The following ADCY6 variants were observed in gnomAD, a reference collection of about 807,000 sequenced individuals.
The protein encoded by ADCY6 is adenylate cyclase type 6.
ADCY6 carries 59 observed loss-of-function variants against 111.6 expected under a neutral mutation model. That is an observed-to-expected ratio of 0.53 (90% CI 0.43 to 0.66). ADCY6 has a LOEUF of 0.66. Among genes scored for constraint, ADCY6 ranks in the 30% least tolerant of loss-of-function variants. The probability of loss-of-function intolerance (pLI) is 0.00; values close to 1 mark genes in which losing one functional copy is unlikely to be tolerated. For synonymous variants in ADCY6, 576 were observed against 642.9 expected (o/e 0.90, Z 1.57); for missense variants, 1,242 against 1,595.6 (o/e 0.78, Z 3.78).
At chr12:48,774,580 G>C (rs1414836850) in intron 13 of ADCY6, 62 bp from the exon 14 acceptor site, 1 of 1,579,458 alleles carries the variant, frequency 6.3e-7, no homozygotes, top group East Asian at 2.2e-5. Flanking sequence ...TGGCAACCAG[G>C]GATGGGGCCC....
rs1592154452 is a variant in ADCY6 at position 48,771,008 on chromosome 12, A to C, written c.3052-38T>G. 6.3e-7 allele frequency: 1 copy of C among 1,595,670 alleles called. No individual in the cohort carries two copies. The highest frequency in any genetic ancestry group is 8.6e-7 in the Non-Finnish European group (1 of 1,166,950). On this transcript the variant is annotated intron_variant, in intron 19 of 21. Transcript: ENST00000357869. This position sits in a 1 kb window ranked among gnomAD's most constrained non-coding sequence, Gnocchi z 4.3. ...AGGAGACCTGGCTGTCAAGGCAAAG[A>C]CCCCAGACCCAGCCCTGCCCCAACA...
rs146675947 is a variant in ADCY6, at chr12:48,780,415, A to T, written c.864+2156T>A. Among the ~76,000 whole-genome samples the T allele has an allele frequency of 8.1e-3, 1,238 of 152,276 alleles. 8 individuals carry two copies. The highest frequency in any genetic ancestry group is 0.012 in the Non-Finnish European group (826 of 68,000). On this transcript the variant is annotated intron_variant, in intron 2 of 21. Coordinates refer to ENST00000357869, the MANE Select transcript of ADCY6 (RefSeq NM_015270.5). Reference sequence around the variant, plus strand: ...ACAAACCCCACCTGTCTAGAAACCCACATACCCAAATGGGCACAGGGAATG... The same window carrying T: ...ACAAACCCCACCTGTCTAGAAACCCTCATACCCAAATGGGCACAGGGAATG...
rs578001917 is a variant in ADCY6, at chr12:48,777,025, T to C, written c.1376+79A>G. The stretch of plus-strand genomic sequence containing the variant: ...AGAGAAAGCCAAAACTGAGGAAATC[T>C]CCTGAGGTCTCATCAAAAAGTAGGA... On this transcript the variant is annotated intron_variant, in intron 6 of 21. Transcript: ENST00000357869. This position sits in a 1 kb window ranked among gnomAD's most constrained non-coding sequence, Gnocchi z 4.9. The C allele has an allele frequency of 5.3e-6, 8 of 1,503,804 alleles. No homozygotes were observed. The South Asian group carries it at 9.5e-5, about 18-fold the overall frequency. 93.2% of individuals were successfully genotyped at this position (1,503,804 alleles called of 1,614,324 possible). A position where few individuals can be genotyped will look rare whatever the true frequency, so the allele number is the denominator to read the frequency against.
chr12:48,787,709 C>T (rs190995276), intron 1 of ADCY6, among the ~76,000 whole-genome samples: 11 of 152,302 alleles, frequency 7.2e-5, no homozygotes, highest in African/African-American at 2.6e-4. Context: ...GTGCCTCTAC[C>T]TTCTCCTCCC....
chr12:48,781,932 A>C (rs944634334), intron 2 of ADCY6, among the ~76,000 whole-genome samples: 1 of 152,112 alleles, frequency 6.6e-6, no homozygotes, highest in Non-Finnish European at 1.5e-5. Context: ...GATCAGACTT[A>C]ACGCTCCTCT....
chr12:48,775,580 C>T, intron 10 of ADCY6, 93 bp downstream of exon 10: 1 of 1,577,972 alleles, frequency 6.3e-7, no homozygotes, highest in Non-Finnish European at 8.7e-7. Flanking sequence ...TCCCACACAA[C>T]ACTCCTAAGG....
In ADCY6 at chr12:48,771,691, C is replaced by A. The variant is rs773149602; in HGVS notation, c.3051+19G>T. 1.2e-6 allele frequency: 2 copies of A among 1,613,666 alleles called. No homozygotes were observed. The highest frequency in any genetic ancestry group is 1.7e-6 in the Non-Finnish European group (2 of 1,180,026). The stretch of plus-strand genomic sequence containing the variant: ...AGTACCCCCCACTCTCTGCCACCAC[C>A]AGCCAACTGGAAAAGTACCTCATCA... On this transcript the variant is annotated intron_variant, in intron 19 of 21. Transcript: ENST00000357869. This position sits in a 1 kb window ranked among gnomAD's most constrained non-coding sequence, Gnocchi z 4.3.
In ADCY6 at chr12:48,777,166, C is replaced by A; in HGVS notation, c.1314G>T (p.Glu438Asp). 1 of 1,614,006 alleles carries A rather than the reference C, an allele frequency of 6.2e-7. No homozygotes were observed. Among genetic ancestry groups the A allele is most frequent in the Non-Finnish European group, 8.5e-7 (1 of 1,179,966 alleles). The change falls in exon 6 of 22, where the codon GAG (glutamate) becomes GAT (aspartate). Residue 438 changes from glutamate (E) to aspartate (D), a missense_variant. Transcript: ENST00000357869. The surrounding 1 kb of genome is among the most constrained non-coding windows in gnomAD (Gnocchi z 4.9). ...DCYYCVSGLP[E>D]ARADHAHCCV... The stretch of plus-strand genomic sequence containing the variant: ...AGCAGTGGGCATGGTCGGCCCGGGC[C>A]TCCGGCAGCCCTGACACACAGTAGT...
intron 20 of ADCY6, among the ~76,000 whole-genome samples, chr12:48,770,531 A>G (rs1227254433): frequency 6.6e-6 from 1 of 152,210 alleles, no homozygotes; most frequent in Non-Finnish European, 1.5e-5. Flanking sequence ...TCTGAGAGTC[A>G]GTCTCTATCC....
intron 1 of ADCY6, chr12:48,783,667 G>A (rs1941915486): frequency 1.0e-6 from 1 of 980,416 alleles, no homozygotes; most frequent in Non-Finnish European, 1.4e-6. Context: ...CCAAAACCAG[G>A]CACAGTGGCT....
chr12:48,768,807 T>C, intron 21 of ADCY6, 91 bp from the exon 22 acceptor site: 1 of 1,561,876 alleles, frequency 6.4e-7, no homozygotes, highest in Non-Finnish European at 8.7e-7. Context: ...GCTAGCTCCC[T>C]TCCCCCAGTC....
Position 48,772,090 on chromosome 12 carries a change from A to G in ADCY6, c.2788-117T>C. The G allele has an allele frequency of 2.1e-6, 3 of 1,440,012 alleles. No homozygotes were observed. In the South Asian group the frequency reaches 4.2e-5, roughly 20 times the overall value. The allele number at this position is 1,440,012 out of a possible 1,614,324, so 89.2% of individuals were successfully genotyped here. A position where few individuals can be genotyped will look rare whatever the true frequency, so the allele number is the denominator to read the frequency against. On this transcript the variant is annotated intron_variant, in intron 18 of 21. Coordinates refer to ENST00000357869, the MANE Select transcript of ADCY6 (RefSeq NM_015270.5). ...CATAGAGAAAGAAAGGCCCAGACAG[A>G]TGAGGCCTAAAGAACAGGCAAAGGG...
At position 48,776,091 on chromosome 12, in the gene ADCY6, T is replaced by A. The variant is rs1197905031; in HGVS notation, c.1678A>T (p.Lys560Ter). ...FLILGASQKRKEEKAMLAKLQ... is the reference protein window; with the variant it reads ...FLILGASQKR ...TTGGCCAGCATGGCCTTCTCCTCTT[T>A]CTGTGCGGGCAGCATGGGTACAGGC... Residue 560 changes from lysine to a stop codon, truncating the protein, a stop_gained and splice_region_variant, in exon 9 of 22, where the codon AAA becomes TAA. Transcript: ENST00000357869. LOFTEE classifies it high-confidence loss of function. The surrounding 1 kb of genome is among the most constrained non-coding windows in gnomAD (Gnocchi z 6.1). The A allele has an allele frequency of 6.2e-7, 1 of 1,613,750 alleles. No homozygotes were observed.
In ADCY6 at chr12:48,777,802, T is replaced by C; in HGVS notation, c.1015-66A>G. ...TCTCACATTGCAATCCCTCCTGGTC[T>C]CTCCACATCGCCAGAGCCCTCCTAG... On this transcript the variant is annotated intron_variant, in intron 3 of 21. Transcript: ENST00000357869. This position sits in a 1 kb window ranked among gnomAD's most constrained non-coding sequence, Gnocchi z 4.9. 1 of 1,592,174 alleles carries C rather than the reference T, an allele frequency of 6.3e-7. No homozygotes were observed. Among genetic ancestry groups the C allele is most frequent in the Non-Finnish European group, 8.5e-7 (1 of 1,169,796 alleles).
rs1475855658 is a variant in ADCY6, at chr12:48,766,236, A to G, written c.*2355T>C. On this transcript the variant is annotated 3_prime_UTR_variant, in exon 22 of 22. Coordinates refer to ENST00000357869, the MANE Select transcript of ADCY6 (RefSeq NM_015270.5). ...TTTTATTGATATTTAAATATATTAA[A>G]TATTTCACTGAAATACATGGTTCAC... 2 of 152,706 alleles carry G rather than the reference A, an allele frequency of 1.3e-5. No homozygotes were observed. Among genetic ancestry groups the G allele is most frequent in the African/African-American group, 4.8e-5 (2 of 41,434 alleles). The allele number at this position is 152,706 out of a possible 1,614,324, so 9.5% of individuals were successfully genotyped here.
rs778731790 is a variant in ADCY6 at position 48,782,740 on chromosome 12, G to C, written c.695C>G (p.Pro232Arg). ...CCAGAGGCCCGCAGAGGGGCTGCGC[G>C]GGTCTGCTGCGAGAGCGCCCCCGAC... ...VQVGGALAAD[P>R]RSPSAGLWCP... The change falls in exon 2 of 22, where the codon CCG (proline) becomes CGG (arginine). Residue 232 changes from proline to arginine, a missense_variant. By Grantham distance (103) the Pro-to-Arg change is moderately radical. Coordinates refer to ENST00000357869, the MANE Select transcript of ADCY6 (RefSeq NM_015270.5). The surrounding 1 kb of genome is among the most constrained non-coding windows in gnomAD (Gnocchi z 4.3). 2 of 1,604,714 alleles carry C rather than the reference G, an allele frequency of 1.2e-6. No individual in the cohort carries two copies. The highest frequency in any genetic ancestry group is 1.7e-5 in the Admixed American group (1 of 58,422).
rs1390486850 is a variant in ADCY6 at position 48,776,783 on chromosome 12, A to G, written c.1377-197T>C. 2.0e-5 allele frequency among the ~76,000 whole-genome samples: 3 copies of G among 152,162 alleles called. No homozygotes were observed. The highest frequency in any genetic ancestry group is 2.0e-4 in the Admixed American group (3 of 15,282). ...AAATGTTAAGGCTGTGTTCAACAGC[A>G]GGGGCCCAGCAGCATCTTATGGAAC... is the stretch of plus-strand genomic sequence containing the variant. On this transcript the variant is annotated intron_variant, in intron 6 of 21. Transcript: ENST00000357869. The surrounding 1 kb of genome is among the most constrained non-coding windows in gnomAD (Gnocchi z 6.1).
chr12:48,783,989 G>A (rs1483180534), intron 1 of ADCY6: 1 of 156,756 alleles, frequency 6.4e-6, no homozygotes, highest in East Asian at 1.9e-4. Flanking sequence ...AGCTGAGGCA[G>A]GAGAATTGCT....
Position 48,772,529 on chromosome 12 carries a change from T to A in ADCY6, c.2636A>T (p.Glu879Val). Residue 879 changes from glutamate to valine, a missense_variant, in exon 17 of 22, where the codon GAG becomes GTG. Coordinates refer to ENST00000357869, the MANE Select transcript of ADCY6 (RefSeq NM_015270.5). ...TTACCAGTCCAGCCCATCAAAGGTC[T>A]CATTGGAAGAAGCCCTGGTAAGAAG... ...LGVHGLASSN[E>V]TFDGLDCPAA... is the part of the protein sequence containing the mutation. The A allele has an allele frequency of 6.2e-7, 1 of 1,614,232 alleles. No homozygotes were observed. Among genetic ancestry groups the A allele is most frequent in the Non-Finnish European group, 8.5e-7 (1 of 1,180,038 alleles).
Sources: gnomAD v4.1 joint callset for allele counts (sites outside exome capture counted in the v4.1 genomes callset) on GRCh38, gnomAD v4.1.1 for gene constraint, Gnocchi (gnomAD v3.1) non-coding constraint, MANE v1.5 for transcripts, NCBI Gene and HGNC (gene_info 2026-07-23, HGNC 2026-07-21) for gene names.